ZNF430: variants seen among roughly 807,000 people sequenced by gnomAD.
ZNF430 encodes zinc finger protein 430.
In ZNF430, 35 loss-of-function variants were observed where a neutral mutation model predicts 56.7. The ratio of observed to expected loss-of-function variants is 0.62; its 90% confidence interval spans 0.47 to 0.82. The LOEUF is 0.82. Ranked by LOEUF, ZNF430 falls within the 40% of genes least tolerant of loss-of-function variation. The pLI is 0.00. For missense variants in ZNF430, 574 were observed against 661.0 expected (o/e 0.87, Z 1.44); for synonymous variants, 212 against 224.3 (o/e 0.94, Z 0.49).
At position 21,030,864 on chromosome 19, in the gene ZNF430, G is replaced by A. The variant is rs973661807; in HGVS notation, c.97-2592G>A. On this transcript the variant is annotated intron_variant, in intron 2 of 4. Transcript: ENST00000261560. The stretch of plus-strand genomic sequence containing the variant: ...GCTTAGCTAAGTGGTTATCAGCCCC[G>A]TCTTGTTTTTTTTGTTTTGTTTTGT... Among the ~76,000 whole-genome samples the A allele has an allele frequency of 2.3e-4, 10 of 43,886 alleles. No individual in the cohort carries two copies. In the East Asian group the frequency reaches 6.7e-3, roughly 30 times the overall value. The allele number at this position is 43,886 out of a possible 152,430, so 28.8% of individuals were successfully genotyped here. A position where few individuals can be genotyped will look rare whatever the true frequency, so the allele number is the denominator to read the frequency against.
intron 4 of ZNF430, among the ~76,000 whole-genome samples, chr19:21,039,211 A>G (rs970363496): frequency 6.6e-6 from 1 of 152,018 alleles, no homozygotes; most frequent in South Asian, 2.1e-4. Flanking sequence ...AGCCTCCTGA[A>G]GTGCTGGGAT....
intron 4 of ZNF430, among the ~76,000 whole-genome samples, chr19:21,046,680 G>A (rs965143105): frequency 6.6e-6 from 1 of 151,806 alleles, no homozygotes; most frequent in African/African-American, 2.4e-5. Flanking sequence ...CTTACGGCTT[G>A]TAGGGTTTCT....
intron 4 of ZNF430, among the ~76,000 whole-genome samples, chr19:21,056,033 T>C (rs1354517409): frequency 1.3e-5 from 2 of 152,214 alleles, no homozygotes; most frequent in Non-Finnish European, 2.9e-5. Context: ...GGAAGAGCTG[T>C]GTTGGGTAAA....
Position 21,022,825 on chromosome 19 carries a change from G to A in ZNF430, c.40G>A (p.Ala14Thr), listed in dbSNP as rs1190023415. The A allele has an allele frequency of 6.2e-7, 1 of 1,613,840 alleles. No individual in the cohort carries two copies. The highest frequency in any genetic ancestry group is 8.5e-7 in the Non-Finnish European group (1 of 1,179,874). ...LKSGVYPLKE[A>T]SGCPGADRNL... ...GTCTGGAGTGTATCCTCTCAAGGAA[G>A]CAAGTGGATGCCCTGGGGCTGACAG... is the stretch of plus-strand genomic sequence containing the variant. The change falls in exon 2 of 5, where the codon GCA becomes ACA. Residue 14 changes from alanine (A) to threonine (T), a missense_variant. Coordinates refer to ENST00000261560, the MANE Select transcript of ZNF430 (RefSeq NM_025189.4).
At chr19:21,048,658 C>T (rs1225583236) in intron 4 of ZNF430, among the ~76,000 whole-genome samples, 31 of 152,158 alleles carry the variant, frequency 2.0e-4, no homozygotes, top group African/African-American at 6.3e-4. Context: ...TCGACAAAAC[C>T]GCCATCGTCA....
intron 2 of ZNF430, among the ~76,000 whole-genome samples, chr19:21,029,059 G>C (rs1036769181): frequency 6.6e-6 from 1 of 152,138 alleles, no homozygotes; most frequent in Admixed American, 6.5e-5. Flanking sequence ...CAAGTTTCCT[G>C]ATACTTGGAT....
In ZNF430 at chr19:21,054,376, T is replaced by G. The variant is rs190282026; in HGVS notation, c.323-2255T>G. On this transcript the variant is annotated intron_variant, in intron 4 of 4. Coordinates refer to ENST00000261560, the MANE Select transcript of ZNF430 (RefSeq NM_025189.4). The stretch of plus-strand genomic sequence containing the variant: ...TCAGAATTTGGTTATTTTTTAAGGT[T>G]TTTTTTTTTTATTTAGCAGGACATA... Among the ~76,000 whole-genome samples the G allele has an allele frequency of 5.1e-4, 76 of 148,638 alleles. 1 individual carries two copies. Among genetic ancestry groups the G allele is most frequent in the African/African-American group, 1.5e-3 (60 of 40,098 alleles).
chr19:21,022,786 T>C lies in ZNF430; in HGVS notation c.4-3T>C, dbSNP rs1158809114. On this transcript the variant is annotated splice_polypyrimidine_tract_variant and splice_region_variant and intron_variant, in intron 1 of 4. Transcript: ENST00000261560. ...TCAGCTTCTGGGTTATTTTCTCCCA[T>C]AGGAGAACCTGAAGTCTGGAGTGTA... 4 of 1,606,210 alleles carry C rather than the reference T, an allele frequency of 2.5e-6. No individual in the cohort carries two copies. The highest frequency in any genetic ancestry group is 2.2e-5 in the South Asian group (2 of 90,912).
chr19:21,031,856 T>A (rs147282514), intron 2 of ZNF430, among the ~76,000 whole-genome samples: 2 of 152,324 alleles, frequency 1.3e-5, no homozygotes, highest in African/African-American at 4.8e-5. Flanking sequence ...TGTTTTTCCT[T>A]CTTAAGGAGT....
intron 4 of ZNF430, chr19:21,035,813 A>T (rs1967988624): frequency 1.3e-5 from 2 of 155,810 alleles, no homozygotes; most frequent in African/African-American, 4.8e-5. Context: ...GGTAATTCCC[A>T]TTTTATTTTT....
intron 2 of ZNF430, among the ~76,000 whole-genome samples, chr19:21,031,325 A>G (rs1294951357): frequency 2.0e-5 from 3 of 152,076 alleles, no homozygotes; most frequent in Admixed American, 2.0e-4. Context: ...TGAGGCCAGA[A>G]TCAAGTATGA....
At chr19:21,020,842 G>A in intron 1 of ZNF430, 39 bp downstream of exon 1, 1 of 1,613,450 alleles carries the variant, frequency 6.2e-7, no homozygotes, top group East Asian at 2.2e-5. Flanking sequence ...AGAGGGGAGG[G>A]GCTGGTTGTA....
At chr19:21,046,876 G>A (rs375086048) in intron 4 of ZNF430, among the ~76,000 whole-genome samples, 24 of 152,146 alleles carry the variant, frequency 1.6e-4, no homozygotes, top group South Asian at 4.2e-4. Context: ...TTGAATGTTG[G>A]CCTTTCTTGT....
At chr19:21,039,959 C>T (rs374991797) in intron 4 of ZNF430, among the ~76,000 whole-genome samples, 26 of 152,214 alleles carry the variant, frequency 1.7e-4, no homozygotes, top group South Asian at 4.2e-4. Context: ...TTTTCTTCCT[C>T]CTAAGTAGCT....
At chr19:21,050,879 C>T (rs1290420825) in intron 4 of ZNF430, among the ~76,000 whole-genome samples, 3 of 151,862 alleles carry the variant, frequency 2.0e-5, no homozygotes, top group African/African-American at 7.3e-5. Flanking sequence ...AATACAAAAA[C>T]TACCCGGGTG....
chr19:21,052,878 G>A (rs1456621408), intron 4 of ZNF430, among the ~76,000 whole-genome samples: 3 of 152,134 alleles, frequency 2.0e-5, no homozygotes, highest in African/African-American at 7.2e-5. Flanking sequence ...TTGCAAGATT[G>A]AGTGTCTGGC....
At chr19:21,054,882 G>A (rs760796049) in intron 4 of ZNF430, among the ~76,000 whole-genome samples, 6 of 151,530 alleles carry the variant, frequency 4.0e-5, no homozygotes, top group South Asian at 2.1e-4. Context: ...CGCCGTATTA[G>A]CCAGGATGGT....
chr19:21,050,969 A>G (rs1381507095), intron 4 of ZNF430, among the ~76,000 whole-genome samples: 2 of 152,184 alleles, frequency 1.3e-5, no homozygotes, highest in East Asian at 3.9e-4. Flanking sequence ...TAGAGGTTGC[A>G]GTGAGCTGAG....
intron 2 of ZNF430, among the ~76,000 whole-genome samples, chr19:21,027,144 A>G (rs551322282): frequency 5.3e-5 from 8 of 151,322 alleles, no homozygotes; most frequent in Non-Finnish European, 1.0e-4. Context: ...TTTTATTTTC[A>G]TCTCTTCTCT....
Sources: gnomAD v4.1 joint callset for allele counts (sites outside exome capture counted in the v4.1 genomes callset) on GRCh38, gnomAD v4.1.1 for gene constraint, MANE v1.5 for transcripts, NCBI Gene and HGNC (gene_info 2026-07-23, HGNC 2026-07-21) for gene names.